Variants in MGAT4C observed in about 807,000 individuals in gnomAD.
MGAT4C encodes the protein MGAT4 family member C, also known as alpha-1,3-mannosyl-glycoprotein 4-beta-N-acetylglucosaminyltransferase C.
A neutral mutation model predicts 40.1 loss-of-function variants in MGAT4C; 19 were observed. That is an observed-to-expected ratio of 0.47 (90% CI 0.33 to 0.70). MGAT4C has a LOEUF of 0.70. MGAT4C is among the 30% of genes least tolerant of loss of function. The probability of loss-of-function intolerance (pLI) is 0.02; values close to 1 mark genes in which losing one functional copy is unlikely to be tolerated. For missense variants in MGAT4C, 491 were observed against 563.2 expected (o/e 0.87, Z 1.30); for synonymous variants, 181 against 187.1 (o/e 0.97, Z 0.27).
At chr12:86,211,430 A>AC (rs1950460625) in intron 1 of MGAT4C, among the ~76,000 whole-genome samples, 1 of 138,440 alleles carries the variant, frequency 7.2e-6, no homozygotes, top group Admixed American at 7.4e-5. Context: ...AAAAAAAAAA[A>AC]AAAAAAATTA....
At chr12:86,018,372 G>A (rs1889306645) in intron 2 of MGAT4C, among the ~76,000 whole-genome samples, 1 of 152,156 alleles carries the variant, frequency 6.6e-6, no homozygotes, top group Non-Finnish European at 1.5e-5. Context: ...TCACGTCAGG[G>A]AAAACATGAA....
At chr12:86,443,739 G>C (rs1007355967) in intron 2 of MGAT4C, among the ~76,000 whole-genome samples, 1 of 151,948 alleles carries the variant, frequency 6.6e-6, no homozygotes, top group African/African-American at 2.4e-5. Context: ...GACTACAGGC[G>C]CCTGCCACCA....
intron 2 of MGAT4C, among the ~76,000 whole-genome samples, chr12:86,006,245 C>T (rs1887860221): frequency 6.6e-6 from 1 of 152,108 alleles, no homozygotes; most frequent in South Asian, 2.1e-4. Context: ...CCGCTGCCAT[C>T]CCCACTTCCC....
chr12:86,124,456 T>C (rs1312705216), intron 1 of MGAT4C, among the ~76,000 whole-genome samples: 2 of 152,140 alleles, frequency 1.3e-5, no homozygotes, highest in Admixed American at 6.6e-5. Flanking sequence ...GAACCTTTGA[T>C]AAAAGTGGAA....
chr12:86,403,667 T>G (rs548297940), intron 3 of MGAT4C, among the ~76,000 whole-genome samples: 1 of 152,302 alleles, frequency 6.6e-6, no homozygotes, highest in East Asian at 1.9e-4. Flanking sequence ...ACACATGTAA[T>G]ATGTATGCAT....
At chr12:86,630,237 G>A (rs1962984017) in intron 2 of MGAT4C, among the ~76,000 whole-genome samples, 1 of 152,124 alleles carries the variant, frequency 6.6e-6, no homozygotes, top group East Asian at 1.9e-4. Context: ...CCAATAACAG[G>A]CTCTGAAATT....
Position 86,641,375 on chromosome 12 carries a change from G to T in MGAT4C, c.-229+85834C>A, listed in dbSNP as rs534195724. 2.3e-3 allele frequency among the ~76,000 whole-genome samples: 346 copies of T among 151,710 alleles called. 1 individual carries two copies. The highest frequency in any genetic ancestry group is 7.8e-3 in the African/African-American group (321 of 41,404). On this transcript the variant is annotated intron_variant, in intron 2 of 7. Coordinates refer to the MGAT4C transcript ENST00000548651. The stretch of plus-strand genomic sequence containing the variant: ...TACACTCTGGGGACTGTTGTGGGGT[G>T]GGGGGAGAGGGGAGGGATAGCTTTA...
rs1908102 is a variant in MGAT4C, at chr12:86,207,636, T to C, written c.-57+48603A>G. On this transcript the variant is annotated intron_variant, in intron 1 of 4. Coordinates refer to ENST00000611864, the MANE Select transcript of MGAT4C (RefSeq NM_001351288.2). The stretch of plus-strand genomic sequence containing the variant: ...AAGATTTGCTGACACTTATATAGCA[T>C]ATACTATATTCGATTATGAGTACTA... Among the ~76,000 whole-genome samples the C allele has an allele frequency of 1.4e-4, 22 of 152,320 alleles. 1 individual carries two copies. Among genetic ancestry groups the C allele is most frequent in the African/African-American group, 5.1e-4 (21 of 41,562 alleles).
At chr12:86,646,151 C>T (rs1963538297) in intron 2 of MGAT4C, among the ~76,000 whole-genome samples, 1 of 151,676 alleles carries the variant, frequency 6.6e-6, no homozygotes, top group African/African-American at 2.4e-5. Context: ...AAAATGACAG[C>T]AAATTTGGAA....
chr12:86,459,495 T>A (rs1372083653), intron 2 of MGAT4C, among the ~76,000 whole-genome samples: 1 of 151,948 alleles, frequency 6.6e-6, no homozygotes, highest in African/African-American at 2.4e-5. Flanking sequence ...CTGAGAATCG[T>A]TACTCACCAA....
At chr12:86,059,223 T>G (rs1893695819) in intron 1 of MGAT4C, among the ~76,000 whole-genome samples, 1 of 152,064 alleles carries the variant, frequency 6.6e-6, no homozygotes. Context: ...ATTTTTGTAT[T>G]TTTAGTAGAG....
At position 86,411,425 on chromosome 12, in the gene MGAT4C, C is replaced by T. The variant is rs113303031; in HGVS notation, c.-120+23732G>A. On this transcript the variant is annotated intron_variant, in intron 3 of 7. Coordinates refer to the MGAT4C transcript ENST00000548651. Reference sequence around the variant, plus strand: ...ACTGGAGTAAAGACAACTCTTACTACGATTTTGCAAAGAGCTTGGCAGCAT... The same window carrying T: ...ACTGGAGTAAAGACAACTCTTACTATGATTTTGCAAAGAGCTTGGCAGCAT... 5.8e-3 allele frequency among the ~76,000 whole-genome samples: 884 copies of T among 152,250 alleles called. 7 individuals carry two copies. The highest frequency in any genetic ancestry group is 0.02 in the African/African-American group (846 of 41,550).
chr12:86,291,258 C>T (rs185862232), intron 4 of MGAT4C, among the ~76,000 whole-genome samples: 1 of 152,196 alleles, frequency 6.6e-6, no homozygotes, highest in Non-Finnish European at 1.5e-5. Context: ...CAAATAGCCA[C>T]AAGTCCGGGT....
chr12:86,470,698 G>T (rs1957746029), intron 2 of MGAT4C, among the ~76,000 whole-genome samples: 1 of 151,982 alleles, frequency 6.6e-6, no homozygotes, highest in South Asian at 2.1e-4. Flanking sequence ...TCATATTATG[G>T]ATATCTGCAA....
In MGAT4C at chr12:86,603,500, C is replaced by A. The variant is rs1310699534; in HGVS notation, c.-229+123709G>T. Among the ~76,000 whole-genome samples, 118 of 78,990 alleles carry A rather than the reference C, an allele frequency of 1.5e-3. 2 individuals are homozygous for A. Among genetic ancestry groups the A allele is most frequent in the Non-Finnish European group, 2.3e-3 (102 of 43,500 alleles). The allele number at this position is 78,990 out of a possible 152,430, so 51.8% of individuals were successfully genotyped here. A position where few individuals can be genotyped will look rare whatever the true frequency, so the allele number is the denominator to read the frequency against. On this transcript the variant is annotated intron_variant, in intron 2 of 7. Coordinates refer to the MGAT4C transcript ENST00000548651. ...TAGTCTATAGACTATATAATATATA[C>A]TATATATAGTCTATAGTCTATAGAC... is the stretch of plus-strand genomic sequence containing the variant.
chr12:86,679,493 A>G (rs1267993360), intron 2 of MGAT4C, among the ~76,000 whole-genome samples: 1 of 152,048 alleles, frequency 6.6e-6, no homozygotes, highest in Non-Finnish European at 1.5e-5. Context: ...TTGAAATATG[A>G]CAAGATTGTT....
chr12:86,019,610 G>A (rs1889451006), intron 2 of MGAT4C, among the ~76,000 whole-genome samples: 1 of 152,168 alleles, frequency 6.6e-6, no homozygotes, highest in African/African-American at 2.4e-5. Context: ...AGTATAGTTT[G>A]AAGTCAGGTA....
chr12:86,439,658 A>C (rs1229455884), intron 2 of MGAT4C, among the ~76,000 whole-genome samples: 1 of 152,158 alleles, frequency 6.6e-6, no homozygotes, highest in South Asian at 2.1e-4. Context: ...ATTTGAAATC[A>C]AAAATCAATA....
At chr12:86,709,785 C>A (rs1950526848) in intron 2 of MGAT4C, among the ~76,000 whole-genome samples, 1 of 152,002 alleles carries the variant, frequency 6.6e-6, no homozygotes, top group African/African-American at 2.4e-5. Flanking sequence ...GTCTCATAGA[C>A]CTAATTATAA....
Sources: gnomAD v4.1 joint callset for allele counts (sites outside exome capture counted in the v4.1 genomes callset) on GRCh38, gnomAD v4.1.1 for gene constraint, MANE v1.5 for transcripts, NCBI Gene and HGNC (gene_info 2026-07-23, HGNC 2026-07-21) for gene names.